The following COG4 variants were observed in gnomAD, a reference collection of about 807,000 sequenced individuals.
COG4 encodes the protein conserved oligomeric Golgi complex subunit 4.
A neutral mutation model predicts 95.1 loss-of-function variants in COG4; 65 were observed. The ratio of observed to expected loss-of-function variants is 0.68; its 90% confidence interval spans 0.56 to 0.84. COG4 has a LOEUF of 0.84. Among genes scored for constraint, COG4 ranks in the 40% least tolerant of loss-of-function variants. The probability of loss-of-function intolerance (pLI) is 0.00; values close to 1 mark genes in which losing one functional copy is unlikely to be tolerated. For synonymous variants in COG4, 421 were observed against 374.8 expected (o/e 1.12, Z -1.42); for missense variants, 1,045 against 989.1 (o/e 1.06, Z -0.76).
At position 70,523,491 on chromosome 16, in the gene COG4, T is replaced by C; in HGVS notation, c.53A>G (p.Gln18Arg). 1 of 1,614,112 alleles carries C rather than the reference T, an allele frequency of 6.2e-7. No homozygotes were observed. Residue 18 changes from glutamine (Q) to arginine (R), a missense_variant, in exon 1 of 19, where the codon CAG becomes CGG. Gln to Arg is a conservative substitution (Grantham distance 43, BLOSUM62 1). Coordinates refer to ENST00000323786, the MANE Select transcript of COG4 (RefSeq NM_015386.3). ...LDSPPKLSGV[Q>R]QPSEGVGGGR... is the part of the protein sequence containing the mutation. ...ACCTCCCACCCCCTCAGACGGCTGC[T>C]GCACCCCTGACAGCTTCGGAGGCGA...
At chr16:70,506,105 A>G (rs2049560534) in intron 8 of COG4, among the ~76,000 whole-genome samples, 1 of 149,308 alleles carries the variant, frequency 6.7e-6, no homozygotes, top group South Asian at 2.1e-4. Context: ...AAATGGCAAA[A>G]CCTCATCTCA....
intron 12 of COG4, among the ~76,000 whole-genome samples, chr16:70,492,974 A>G (rs929836488): frequency 6.6e-6 from 1 of 152,174 alleles, no homozygotes; most frequent in African/African-American, 2.4e-5. Context: ...CAAAAAAAAA[A>G]GTAGCATGGG....
chr16:70,511,108 C>A (rs564884192), intron 5 of COG4, among the ~76,000 whole-genome samples: 1 of 152,158 alleles, frequency 6.6e-6, no homozygotes, highest in Non-Finnish European at 1.5e-5. Flanking sequence ...GTAAAATGCA[C>A]ACTTAAACAT....
intron 5 of COG4, among the ~76,000 whole-genome samples, chr16:70,511,411 G>T (rs747192065): frequency 2.0e-5 from 3 of 152,064 alleles, no homozygotes; most frequent in African/African-American, 7.2e-5. Context: ...TGTGGGAGGG[G>T]AGTGACACAC....
intron 14 of COG4, 142 bp from the exon 15 acceptor site, chr16:70,482,963 T>TCGCATCCCC (rs2049033686): frequency 1.9e-6 from 1 of 530,366 alleles, no homozygotes; most frequent in Non-Finnish European, 3.4e-6. Context: ...CCTCTCCCCA[T>TCGCATCCCC]TTCTTCCTTC....
intron 14 of COG4, 141 bp downstream of exon 14, chr16:70,483,712 G>T (rs1567721482): frequency 2.6e-6 from 2 of 774,098 alleles, no homozygotes; most frequent in Non-Finnish European, 4.7e-6. Context: ...CAAGGGACCT[G>T]CACAACTCCA....
In COG4 at chr16:70,481,164, G is replaced by T; in HGVS notation, c.2236-20C>A. 6.2e-7 allele frequency: 1 copy of T among 1,613,246 alleles called. No homozygotes were observed. Among genetic ancestry groups the T allele is most frequent in the South Asian group, 1.1e-5 (1 of 91,068 alleles). On this transcript the variant is annotated intron_variant, in intron 18 of 18. Coordinates refer to ENST00000323786, the MANE Select transcript of COG4 (RefSeq NM_015386.3). ...GGTCACCTGTGGGGAAGGACATAGA[G>T]ACCAGTCAGCAAGGTGGGGTTATTC...
At position 70,497,210 on chromosome 16, in the gene COG4, G is replaced by A. The variant is rs375522503; in HGVS notation, c.1481+11C>T. 8.2e-5 allele frequency: 133 copies of A among 1,613,838 alleles called. No homozygotes were observed. The highest frequency in any genetic ancestry group is 1.1e-4 in the Non-Finnish European group (129 of 1,179,848). Reference sequence around the variant, plus strand: ...TTTCTGCCTAGAAAGGAGAAAGGGAGTCAACTGTACCTGAAGTCAGACTCC... The same window carrying A: ...TTTCTGCCTAGAAAGGAGAAAGGGAATCAACTGTACCTGAAGTCAGACTCC... On this transcript the variant is annotated intron_variant, in intron 11 of 18. Transcript: ENST00000323786.
At position 70,482,183 on chromosome 16, in the gene COG4, C is replaced by G; in HGVS notation, c.1921-8G>C. On this transcript the variant is annotated splice_region_variant and splice_polypyrimidine_tract_variant and intron_variant, in intron 15 of 18. Coordinates refer to ENST00000323786, the MANE Select transcript of COG4 (RefSeq NM_015386.3). ...ATAGTCATTGAATTCTTCCTGTTGTCAGGAAGCAGGGCTGGTCACCATGGG... is the reference window on the plus strand; with the variant it reads ...ATAGTCATTGAATTCTTCCTGTTGTGAGGAAGCAGGGCTGGTCACCATGGG... 6.3e-7 allele frequency: 1 copy of G among 1,595,762 alleles called. No individual in the cohort carries two copies. The highest frequency in any genetic ancestry group is 8.6e-7 in the Non-Finnish European group (1 of 1,163,286).
chr16:70,520,682 A>C (rs1200547807), intron 1 of COG4, among the ~76,000 whole-genome samples: 1 of 152,056 alleles, frequency 6.6e-6, no homozygotes, highest in Non-Finnish European at 1.5e-5. Flanking sequence ...CACCACACAC[A>C]TCTTGCTGAA....
At position 70,514,394 on chromosome 16, in the gene COG4, G is replaced by A. The variant is rs3931036; in HGVS notation, c.485C>T (p.Thr162Ile). The change falls in exon 4 of 19, where the codon ACT becomes ATT. Residue 162 changes from threonine (T) to isoleucine (I), a missense_variant. Physicochemically the swap from Thr to Ile is moderately conservative, Grantham distance 89. Coordinates refer to ENST00000323786, the MANE Select transcript of COG4 (RefSeq NM_015386.3). ...SEDYEQAAAHTHRYLCLDKSV... is the reference protein window; with the variant it reads ...SEDYEQAAAHIHRYLCLDKSV... ...CTTGTCCAGGCACAAGTAGCGATGA[G>A]TATGTGCTGCAGCCTGCTCATAATC... 0.94 allele frequency: 1,518,581 copies of A among 1,613,988 alleles called. 714,932 individuals are homozygous for A. Among genetic ancestry groups the A allele is most frequent in the East Asian group, 1 (44,867 of 44,878 alleles).
chr16:70,497,272 CAGT>C lies in COG4; in HGVS notation c.1427_1429del (p.Asp476_Cys477delinsGly). ...GGCGAGGTTGATCATGGCACAGAGA[CAGT>C]CAATGCTGGAGCTGGACAGAGCCCG... is the stretch of plus-strand genomic sequence containing the variant. On this transcript the variant is annotated inframe_deletion, in exon 11 of 19. Transcript: ENST00000323786. 6.2e-7 allele frequency: 1 copy of C among 1,614,174 alleles called. No individual in the cohort carries two copies. Among genetic ancestry groups the C allele is most frequent in the South Asian group, 1.1e-5 (1 of 91,088 alleles).
intron 3 of COG4, 82 bp from the exon 4 acceptor site, chr16:70,514,591 G>A (rs558040849): frequency 2.5e-4 from 297 of 1,191,466 alleles, no homozygotes; most frequent in Non-Finnish European, 3.4e-4. Context: ...TTCAGGAGCT[G>A]AATCTGATCA....
chr16:70,513,925 T>C (rs1212295495), intron 4 of COG4, among the ~76,000 whole-genome samples: 1 of 152,100 alleles, frequency 6.6e-6, no homozygotes, highest in Non-Finnish European at 1.5e-5. Context: ...GAAAACTTCC[T>C]GGCTGGGCGC....
At chr16:70,509,455 C>T in intron 6 of COG4, 67 bp from the exon 7 acceptor site, 1 of 1,559,900 alleles carries the variant, frequency 6.4e-7, no homozygotes, top group South Asian at 1.1e-5. Context: ...TTGCTCCCAT[C>T]CAGGACTAAC....
intron 10 of COG4, 152 bp from the exon 11 acceptor site, chr16:70,497,539 T>A (rs1021916388): frequency 3.8e-6 from 3 of 782,094 alleles, no homozygotes; most frequent in Non-Finnish European, 6.6e-6. Flanking sequence ...TCAAAATAGC[T>A]TACTTCCCTA....
intron 8 of COG4, among the ~76,000 whole-genome samples, chr16:70,507,847 G>T (rs1350690091): frequency 2.7e-5 from 4 of 150,192 alleles, no homozygotes; most frequent in African/African-American, 9.8e-5. Flanking sequence ...GGGTGACAGA[G>T]TGAGACTCTG....
chr16:70,501,178 C>T (rs1335223647), intron 8 of COG4, 87 bp from the exon 9 acceptor site: 19 of 1,472,592 alleles, frequency 1.3e-5, no homozygotes, highest in Admixed American at 8.5e-5. Flanking sequence ...CCAAATTCCC[C>T]CTCCCCACTG....
chr16:70,504,989 T>G (rs571499537), intron 8 of COG4, among the ~76,000 whole-genome samples: 3 of 152,254 alleles, frequency 2.0e-5, no homozygotes, highest in South Asian at 4.1e-4. Flanking sequence ...TTAATATTTG[T>G]TAAGTGTTCA....
Sources: gnomAD v4.1 joint callset for allele counts (sites outside exome capture counted in the v4.1 genomes callset) on GRCh38, gnomAD v4.1.1 for gene constraint, MANE v1.5 for transcripts, NCBI Gene and HGNC (gene_info 2026-07-23, HGNC 2026-07-21) for gene names.